ELAPOR1: variants seen among roughly 807,000 people sequenced by gnomAD.
ELAPOR1 encodes the protein endosome-lysosome associated apoptosis and autophagy regulator 1.
ELAPOR1 carries 77 observed loss-of-function variants against 119.7 expected under a neutral mutation model. The ratio of observed to expected loss-of-function variants is 0.64; its 90% CI spans 0.54 to 0.78. The LOEUF is 0.78. Ranked by LOEUF, ELAPOR1 falls within the 30% of genes least tolerant of loss-of-function variation. The pLI is 0.00. For synonymous variants in ELAPOR1, 481 were observed against 487.2 expected, an observed-to-expected ratio of 0.99 and a Z score of 0.17; for missense variants, 1,115 against 1,270.4, an observed-to-expected ratio of 0.88 and a Z score of 1.86.
chr1:109,184,821 C>T (rs945728799), intron 7 of ELAPOR1, among the ~76,000 whole-genome samples: 1 of 152,218 alleles, frequency 6.6e-6, no homozygotes, highest in African/African-American at 2.4e-5. Flanking sequence ...AGTGGTTTCT[C>T]ATCAGCACCT....
chr1:109,188,911 T>C (rs1199200677), intron 9 of ELAPOR1, among the ~76,000 whole-genome samples, 155 bp from the exon 10 acceptor site: 1 of 152,230 alleles, frequency 6.6e-6, no homozygotes, highest in Non-Finnish European at 1.5e-5. Context: ...CAGAATGTTT[T>C]TGAGTCAACT....
chr1:109,172,156 G>T, intron 4 of ELAPOR1, 143 bp downstream of exon 4: 1 of 1,062,462 alleles, frequency 9.4e-7, no homozygotes, highest in Non-Finnish European at 1.4e-6. Flanking sequence ...GGCAAAATGA[G>T]CTGAGGCCCA....
At chr1:109,202,698 C>T (rs925763958) in intron 21 of ELAPOR1, among the ~76,000 whole-genome samples, 11 of 152,128 alleles carry the variant, frequency 7.2e-5, no homozygotes, top group African/African-American at 2.4e-4. Context: ...GCCTTGGCCT[C>T]CCAAGTGCTG....
chr1:109,147,329 A>G (rs1409911570), intron 1 of ELAPOR1, among the ~76,000 whole-genome samples: 1 of 152,176 alleles, frequency 6.6e-6, no homozygotes, highest in Non-Finnish European at 1.5e-5. Flanking sequence ...TTACTAAGTG[A>G]AGGAAGCTGA....
In ELAPOR1 at chr1:109,192,886, C is replaced by G. The variant is rs756349367; in HGVS notation, c.1947+12C>G. Reference sequence around the variant, plus strand: ...CCAAGAACAACAAGGTACCTGTAGTCTGGCATGCATCCTAAACCTGACCCT... The same window carrying G: ...CCAAGAACAACAAGGTACCTGTAGTGTGGCATGCATCCTAAACCTGACCCT... On this transcript the variant is annotated intron_variant, in intron 14 of 21. Transcript: ENST00000369939. The G allele has an allele frequency of 7.6e-5, 122 of 1,612,192 alleles. No homozygotes were observed. The highest frequency in any genetic ancestry group is 3.2e-4 in the Admixed American group (19 of 59,802).
intron 3 of ELAPOR1, among the ~76,000 whole-genome samples, chr1:109,171,523 G>A (rs1651926227): frequency 6.6e-6 from 1 of 151,946 alleles, no homozygotes; most frequent in African/African-American, 2.4e-5. Context: ...CTGCACTCCA[G>A]CCTGGGAGAC....
rs116928655 is a variant in ELAPOR1 at position 109,173,704 on chromosome 1, A to G, written c.819A>G (p.Ser273=). The G allele has an allele frequency of 5.1e-4, 831 of 1,614,132 alleles. 5 individuals are homozygous for G. The East Asian group carries it at 0.016, about 31-fold the overall frequency. Residue 273 remains serine, a synonymous_variant, in exon 7 of 22, where the codon TCA becomes TCG. Transcript: ENST00000369939. ...CCTCCCTAGGGGTGGCCTACACTTC[A>G]GAATGCTTCCCCTGCAAACCTGGCA... ...NIAITGVAYT[S]ECFPCKPGTY...
intron 1 of ELAPOR1, among the ~76,000 whole-genome samples, chr1:109,153,050 A>G (rs1237578316): frequency 6.6e-6 from 1 of 151,750 alleles, no homozygotes; most frequent in Non-Finnish European, 1.5e-5. Flanking sequence ...GTAGTGGGGT[A>G]GAGATAGATA....
At chr1:109,197,438 C>T (rs753768037) in intron 15 of ELAPOR1, 36 bp from the exon 16 acceptor site, 1 of 1,595,480 alleles carries the variant, frequency 6.3e-7, no homozygotes, top group Admixed American at 1.7e-5. Context: ...TGACCACTCA[C>T]TTCTTCCTAC....
intron 11 of ELAPOR1, among the ~76,000 whole-genome samples, chr1:109,190,754 C>A (rs1373651502): frequency 2.0e-5 from 3 of 152,194 alleles, no homozygotes; most frequent in African/African-American, 7.2e-5. Context: ...ACTACTACCC[C>A]AGCCCGCTTG....
rs758320943 is a variant in ELAPOR1, at chr1:109,191,639, C to T, written c.1546-87C>T. The T allele has an allele frequency of 2.8e-5, 44 of 1,557,278 alleles. 1 individual carries two copies. In the South Asian group the frequency reaches 4.8e-4, roughly 17 times the overall value. On this transcript the variant is annotated intron_variant, in intron 12 of 21. Transcript: ENST00000369939. ...ACAGTTTAACAAGGGTCTCACCAAC[C>T]GTGATGGCACCTGGGATGGCAGCCA...
chr1:109,154,299 A>AAG (rs1553252877), intron 1 of ELAPOR1, among the ~76,000 whole-genome samples: 3 of 150,430 alleles, frequency 2.0e-5, no homozygotes, highest in African/African-American at 7.4e-5. Flanking sequence ...AAAAAAAAAA[A>AAG]AAAAGAAAAG....
At chr1:109,117,482 A>G (rs894640712) in intron 1 of ELAPOR1, among the ~76,000 whole-genome samples, 6 of 152,214 alleles carry the variant, frequency 3.9e-5, no homozygotes, top group Admixed American at 3.9e-4. Context: ...TGAAAAGCCC[A>G]TGGGTTAGGA....
chr1:109,119,026 T>C lies in ELAPOR1; in HGVS notation c.153+4690T>C, dbSNP rs556771845. Among the ~76,000 whole-genome samples, 3 of 151,444 alleles carry C rather than the reference T, an allele frequency of 2.0e-5. No homozygotes were observed. In the East Asian group the frequency reaches 5.8e-4, roughly 29 times the overall value. ...AATTCTCCTGCCTCAGCCTCCCAAGTAGCTGGGATTACAGGTGCCCGCCAC... is the reference window on the plus strand; with the variant it reads ...AATTCTCCTGCCTCAGCCTCCCAAGCAGCTGGGATTACAGGTGCCCGCCAC... On this transcript the variant is annotated intron_variant, in intron 1 of 21. Coordinates refer to ENST00000369939, the MANE Select transcript of ELAPOR1 (RefSeq NM_020775.5).
chr1:109,133,910 C>A (rs1331662114), intron 1 of ELAPOR1, among the ~76,000 whole-genome samples: 1 of 152,124 alleles, frequency 6.6e-6, no homozygotes. Flanking sequence ...TAATTTCTTC[C>A]ACCAAATTTC....
intron 18 of ELAPOR1, 74 bp downstream of exon 18, chr1:109,198,748 A>C: frequency 7.5e-7 from 1 of 1,341,278 alleles, no homozygotes; most frequent in Non-Finnish European, 1.0e-6. Flanking sequence ...TCCAGAGATT[A>C]CTGAAAAAGA....
intron 3 of ELAPOR1, among the ~76,000 whole-genome samples, chr1:109,165,500 G>A (rs1203454217): frequency 6.6e-6 from 1 of 151,302 alleles, no homozygotes; most frequent in Admixed American, 6.6e-5. Flanking sequence ...CAGGAGAATC[G>A]CTTGAACTGG....
chr1:109,188,012 G>A (rs1242494912), intron 8 of ELAPOR1, 165 bp from the exon 9 acceptor site: 1 of 1,390,606 alleles, frequency 7.2e-7, no homozygotes, highest in Non-Finnish European at 9.4e-7. Context: ...CACTGGGCTA[G>A]GTGCTTGGGA....
chr1:109,143,292 C>T (rs984228045), intron 1 of ELAPOR1, among the ~76,000 whole-genome samples: 4 of 152,196 alleles, frequency 2.6e-5, no homozygotes, highest in African/African-American at 7.2e-5. Flanking sequence ...GAATTAAGTA[C>T]TGATCATGCT....
Sources: allele counts gnomAD v4.1 joint callset (sites outside exome capture counted in the v4.1 genomes callset), GRCh38; gene constraint gnomAD v4.1.1; transcripts MANE v1.5; gene names NCBI Gene and HGNC (gene_info 2026-07-23, HGNC 2026-07-21).